The following TMEM165 variants were observed in gnomAD, a reference collection of about 807,000 sequenced individuals.
TMEM165 encodes the protein transmembrane protein 165.
TMEM165 carries 19 observed loss-of-function variants against 30.0 expected under a neutral mutation model. The ratio of observed to expected loss-of-function variants is 0.63; its 90% CI spans 0.44 to 0.93. The LOEUF is 0.93. TMEM165 is among the 40% of genes least tolerant of loss of function. The probability of loss-of-function intolerance (pLI) is 0.00; values close to 1 mark genes in which losing one functional copy is unlikely to be tolerated. For synonymous variants in TMEM165, 168 were observed against 162.9 expected (o/e 1.03, Z -0.24); for missense variants, 340 against 417.0 (o/e 0.82, Z 1.61).
Position 55,417,826 on chromosome 4 carries a change from T to C in TMEM165, c.633T>C (p.Asn211=), listed in dbSNP as rs146996878. The C allele has an allele frequency of 3.8e-4, 610 of 1,602,990 alleles. 4 individuals are homozygous for C. The highest frequency in any genetic ancestry group is 3.7e-5 in the Non-Finnish European group (44 of 1,176,854). The change falls in exon 4 of 6, where the codon AAT becomes AAC. Residue 211 remains asparagine (N), a synonymous_variant. Coordinates refer to ENST00000381334, the MANE Select transcript of TMEM165 (RefSeq NM_018475.5). ...DEEFQRTKLL[N]GPGDVETGTS... ...AGTTTCAACGAACCAAACTTTTAAATGGACCGGGAGATGTTGAAACGGGTA... is the reference window on the plus strand; with the variant it reads ...AGTTTCAACGAACCAAACTTTTAAACGGACCGGGAGATGTTGAAACGGGTA...
At chr4:55,413,385 A>G (rs7692795) in intron 2 of TMEM165, among the ~76,000 whole-genome samples, 108,403 of 152,078 alleles carry the variant, frequency 0.71, 40,874 homozygotes, top group East Asian at 0.98. Context: ...CATGATCCCG[A>G]CTCACTTAAA....
At chr4:55,426,386 C>G (rs1722201371), downstream of TMEM165, among the ~76,000 whole-genome samples, 2 of 152,098 alleles carry the variant, frequency 1.3e-5, no homozygotes, top group Admixed American at 1.3e-4. Flanking sequence ...CTAACTCACC[C>G]AAGGTTACAT....
intron 3 of TMEM165, among the ~76,000 whole-genome samples, chr4:55,448,603 T>C (rs6854356): frequency 0.24 from 6,656 of 27,378 alleles, 146 homozygotes; most frequent in African/African-American, 0.4. Context: ...CACGCGCGCG[T>C]GTGTGTGTGT....
intron 3 of TMEM165, chr4:55,433,039 T>C (rs1321536153): frequency 6.6e-6 from 1 of 152,626 alleles, no homozygotes; most frequent in Non-Finnish European, 1.5e-5. Flanking sequence ...TCATATCTTT[T>C]GTTAGCTAAA....
rs1230048834 is a variant in TMEM165, at chr4:55,403,515, AAT to A, written c.207+7120_207+7121del. On this transcript the variant is annotated intron_variant, in intron 1 of 5. Transcript: ENST00000381334. ...TTCTTTTTCTTTTTTTTTTTTTTAC[AAT>A]TTTTACATTTGGAATTAAAATTTTA... Among the ~76,000 whole-genome samples, 717 of 88,542 alleles carry A rather than the reference AAT, an allele frequency of 8.1e-3. 10 individuals carry two copies. The highest frequency in any genetic ancestry group is 0.026 in the African/African-American group (669 of 25,746). 58.1% of individuals were successfully genotyped at this position (88,542 alleles called of 152,430 possible). A position where few individuals can be genotyped will look rare whatever the true frequency, so the allele number is the denominator to read the frequency against.
At chr4:55,408,709 A>G (rs913630591) in intron 1 of TMEM165, among the ~76,000 whole-genome samples, 9 of 152,218 alleles carry the variant, frequency 5.9e-5, no homozygotes, top group Non-Finnish European at 1.0e-4. Flanking sequence ...GCTGGGAATT[A>G]TAAAACCATG....
At chr4:55,423,704 TG>T (rs1722077117) in intron 4 of TMEM165, 1 of 152,944 alleles carries the variant, frequency 6.5e-6, no homozygotes, top group South Asian at 2.1e-4. Flanking sequence ...ATTACAGGCA[TG>T]AGCCACTGCA....
In TMEM165 at chr4:55,425,525, C is replaced by A; in HGVS notation, c.*73C>A. The stretch of plus-strand genomic sequence containing the variant: ...TTTCTGTACATAGTGTACATTACAA[C>A]TAAAAGTGATGGAAAAATACTGTAT... On this transcript the variant is annotated 3_prime_UTR_variant, in exon 6 of 6. Coordinates refer to ENST00000381334, the MANE Select transcript of TMEM165 (RefSeq NM_018475.5). The A allele has an allele frequency of 8.4e-7, 1 of 1,191,596 alleles. No individual in the cohort carries two copies. The highest frequency in any genetic ancestry group is 1.2e-6 in the Non-Finnish European group (1 of 818,114). The allele number at this position is 1,191,596 out of a possible 1,614,324, so 73.8% of individuals were successfully genotyped here.
At chr4:55,402,401 GTGTATATATATATATATA>G (rs1560387241) in intron 1 of TMEM165, among the ~76,000 whole-genome samples, 1 of 45,406 alleles carries the variant, frequency 2.2e-5, no homozygotes, top group Admixed American at 3.3e-4. Flanking sequence ...GTGTGTGTGT[GTGTATATATATATATATA>G]TATATATATA....
intron 1 of TMEM165, among the ~76,000 whole-genome samples, chr4:55,409,204 A>G (rs1048670546): frequency 1.3e-5 from 2 of 152,190 alleles, no homozygotes; most frequent in African/African-American, 4.8e-5. Context: ...AAATTTCTCC[A>G]GTATTTAGCT....
At position 55,396,067 on chromosome 4, in the gene TMEM165, G is replaced by A. The variant is rs1419565239; in HGVS notation, c.-123G>A. ...TTGCACCTCCCGGATGGTGCTGACT[G>A]CTCCCTAAGCGGCGGCGGCGGCGAG... On this transcript the variant is annotated 5_prime_UTR_variant, in exon 1 of 6. Transcript: ENST00000381334. 8 of 762,102 alleles carry A rather than the reference G, an allele frequency of 1.0e-5. No individual in the cohort carries two copies. In the South Asian group the frequency reaches 1.1e-4, roughly 10 times the overall value. The allele number at this position is 762,102 out of a possible 1,614,324, so 47.2% of individuals were successfully genotyped here. A position where few individuals can be genotyped will look rare whatever the true frequency, so the allele number is the denominator to read the frequency against.
At position 55,411,605 on chromosome 4, in the gene TMEM165, T is replaced by C. The variant is rs1578236097; in HGVS notation, c.208-9T>C. 6.3e-6 allele frequency: 10 copies of C among 1,599,278 alleles called. No individual in the cohort carries two copies. The highest frequency in any genetic ancestry group is 1.8e-4 in the Middle Eastern group (1 of 5,588). The stretch of plus-strand genomic sequence containing the variant: ...TGATTTTAAGAAGTAACTGATTTTT[T>C]TTTTCCAGAAAATATTTACACCAGC... On this transcript the variant is annotated splice_polypyrimidine_tract_variant and intron_variant, in intron 1 of 5. Coordinates refer to ENST00000381334, the MANE Select transcript of TMEM165 (RefSeq NM_018475.5).
intron 3 of TMEM165, chr4:55,435,486 G>A: frequency 6.2e-7 from 1 of 1,614,054 alleles, no homozygotes; most frequent in Non-Finnish European, 8.5e-7. Flanking sequence ...TGCTGTTGCT[G>A]AGACTGATGT....
At chr4:55,402,119 C>CAAAAAAAAAAAAAAAAAAAAAAAA (rs71194551) in intron 1 of TMEM165, among the ~76,000 whole-genome samples, 3 of 106,986 alleles carry the variant, frequency 2.8e-5, no homozygotes, top group African/African-American at 1.5e-4. Flanking sequence ...ACTCTGTCTC[C>CAAAAAAAAAAAAAAAAAAAAAAAA]AAAAAAAAAA....
At chr4:55,435,470 AGTTGCTGCT>A in intron 3 of TMEM165, 2 of 1,613,996 alleles carry the variant, frequency 1.2e-6, no homozygotes, top group Non-Finnish European at 1.7e-6. Flanking sequence ...GTGCCGGCTG[AGTTGCTGCT>A]GTTGCTGAGA....
At chr4:55,418,263 G>T in intron 4 of TMEM165, 1 of 311,630 alleles carries the variant, frequency 3.2e-6, no homozygotes, top group Non-Finnish European at 5.8e-6. Flanking sequence ...ATCTTAGCTT[G>T]GTTTTCTTAT....
At chr4:55,409,485 G>A (rs1716494989) in intron 1 of TMEM165, among the ~76,000 whole-genome samples, 1 of 152,122 alleles carries the variant, frequency 6.6e-6, no homozygotes, top group Non-Finnish European at 1.5e-5. Flanking sequence ...AGAGACCTTT[G>A]GAAGTGGTTT....
At chr4:55,416,591 C>A (rs747626674) in intron 2 of TMEM165, among the ~76,000 whole-genome samples, 1 of 152,024 alleles carries the variant, frequency 6.6e-6, no homozygotes, top group Non-Finnish European at 1.5e-5. Context: ...TTAAATCTTG[C>A]TATGTGAGAC....
At chr4:55,420,458 T>A (rs1280706520) in intron 4 of TMEM165, among the ~76,000 whole-genome samples, 1 of 151,934 alleles carries the variant, frequency 6.6e-6, no homozygotes, top group Non-Finnish European at 1.5e-5. Context: ...ATCACATTAC[T>A]GCACTTCCCT....
Sources: allele counts gnomAD v4.1 joint callset (sites outside exome capture counted in the v4.1 genomes callset), GRCh38; gene constraint gnomAD v4.1.1; transcripts MANE v1.5; gene names NCBI Gene and HGNC (gene_info 2026-07-23, HGNC 2026-07-21).